The following DAOA variants were observed in gnomAD, a reference collection of about 807,000 sequenced individuals.
The protein encoded by DAOA is D-amino acid oxidase activator, also known as D-amino acid oxidase regulator.
A neutral mutation model predicts 16.4 loss-of-function variants in DAOA; 15 were observed. The ratio of observed to expected loss-of-function variants is 0.91; its 90% CI spans 0.61 to 1.41. The LOEUF (loss-of-function observed/expected upper bound fraction) is 1.41, where lower values mean the gene tolerates loss of function less well. Among genes scored for constraint, DAOA ranks in the 40% most tolerant of loss-of-function variants. The probability of loss-of-function intolerance (pLI) is 0.00; values close to 1 mark genes in which losing one functional copy is unlikely to be tolerated. For missense variants in DAOA, 230 were observed against 176.8 expected, an observed-to-expected ratio of 1.30 and a Z score of -1.71; for synonymous variants, 75 against 59.1, an observed-to-expected ratio of 1.27 and a Z score of -1.23.
chr13:105,470,151 A>G (rs1333538499), intron 3 of DAOA, among the ~76,000 whole-genome samples: 1 of 146,870 alleles, frequency 6.8e-6, no homozygotes, highest in African/African-American at 2.5e-5. Context: ...GACTAGAGTT[A>G]TATTCTTGTT....
At chr13:105,482,496 C>G (rs1341552562) in intron 4 of DAOA, among the ~76,000 whole-genome samples, 1 of 149,710 alleles carries the variant, frequency 6.7e-6, no homozygotes, top group South Asian at 2.1e-4. Context: ...CTGCTTTGAC[C>G]TTGGTGTAAG....
At chr13:105,488,656 A>C (rs1395246936) in intron 4 of DAOA, among the ~76,000 whole-genome samples, 1 of 152,210 alleles carries the variant, frequency 6.6e-6, no homozygotes, top group Non-Finnish European at 1.5e-5. Context: ...TGTGACAATG[A>C]TTCAAGAAGC....
rs1218859037 is a variant in DAOA at position 105,474,621 on chromosome 13, G to A, written c.281+1936G>A. On this transcript the variant is annotated intron_variant, in intron 4 of 5. Transcript: ENST00000375936. ...GATTGACTGACTAAAGCCAGCAAAT[G>A]TGCATCTAAAACAAAATCTGACATG... Among the ~76,000 whole-genome samples the A allele has an allele frequency of 2.6e-5, 4 of 152,110 alleles. No homozygotes were observed. In the South Asian group the frequency reaches 8.3e-4, roughly 32 times the overall value.
chr13:105,470,853 C>G (rs958943283), intron 3 of DAOA, among the ~76,000 whole-genome samples: 1 of 151,964 alleles, frequency 6.6e-6, no homozygotes, highest in South Asian at 2.1e-4. Context: ...TGCAGTGACA[C>G]GATCTCAGCT....
chr13:105,466,655 T>C, intron 2 of DAOA, among the ~76,000 whole-genome samples: 1 of 152,166 alleles, frequency 6.6e-6, no homozygotes, highest in East Asian at 1.9e-4. Context: ...TCCCCCTCAC[T>C]CCATCTGCCT....
chr13:105,468,580 A>T (rs1192185381), intron 3 of DAOA, among the ~76,000 whole-genome samples: 3 of 152,246 alleles, frequency 2.0e-5, no homozygotes, highest in Non-Finnish European at 4.4e-5. Flanking sequence ...AAAAATTACA[A>T]ATGTTAGCTG....
chr13:105,486,535 C>T (rs536620779), intron 4 of DAOA, among the ~76,000 whole-genome samples: 16 of 152,048 alleles, frequency 1.1e-4, no homozygotes, highest in South Asian at 6.2e-4. Flanking sequence ...ATGAATAAGA[C>T]GTAGTACAAA....
Position 105,490,121 on chromosome 13 carries a change from C to A in DAOA, c.*40C>A. 6.5e-7 allele frequency: 1 copy of A among 1,527,578 alleles called. No homozygotes were observed. The highest frequency in any genetic ancestry group is 8.8e-7 in the Non-Finnish European group (1 of 1,133,118). 94.6% of individuals were successfully genotyped at this position (1,527,578 alleles called of 1,614,324 possible). On this transcript the variant is annotated 3_prime_UTR_variant, in exon 5 of 6. Coordinates refer to ENST00000375936, the MANE Select transcript of DAOA (RefSeq NM_172370.5). ...TCTTCCCAGCCAATCCTTCTGATGA[C>A]AATGTAGTCTGGCCAACATCTTCAC...
chr13:105,479,082 A>G (rs929132875), intron 4 of DAOA, among the ~76,000 whole-genome samples: 9 of 152,180 alleles, frequency 5.9e-5, no homozygotes, highest in Admixed American at 5.9e-4. Context: ...AGGACCATTT[A>G]TCTTTATCTC....
At chr13:105,476,484 C>T (rs1381849137) in intron 4 of DAOA, among the ~76,000 whole-genome samples, 2 of 122,802 alleles carry the variant, frequency 1.6e-5, no homozygotes, top group Non-Finnish European at 3.4e-5. Context: ...TTCACTTGTA[C>T]CAAAAAACAT....
intron 1 of DAOA, 55 bp from the exon 2 acceptor site, chr13:105,466,161 A>G: frequency 6.9e-7 from 1 of 1,449,878 alleles, no homozygotes; most frequent in Non-Finnish European, 9.3e-7. Context: ...TACACCCCAA[A>G]TTAGTGGCTT....
At chr13:105,468,257 G>A (rs1315971171) in intron 3 of DAOA, among the ~76,000 whole-genome samples, 2 of 152,164 alleles carry the variant, frequency 1.3e-5, no homozygotes, top group African/African-American at 4.8e-5. Flanking sequence ...TGTTACACAA[G>A]ATTCCACAGG....
intron 4 of DAOA, among the ~76,000 whole-genome samples, chr13:105,484,093 C>T (rs1594117300): frequency 6.6e-6 from 1 of 152,060 alleles, no homozygotes; most frequent in African/African-American, 2.4e-5. Context: ...TAATGAATAC[C>T]CAGATGTTCC....
intron 5 of DAOA, 50 bp downstream of exon 5, chr13:105,490,242 A>C: frequency 1.1e-6 from 1 of 883,500 alleles, no homozygotes; most frequent in Non-Finnish European, 1.4e-6. Context: ...TATGAAATAT[A>C]ATTTTTATGA....
intron 4 of DAOA, among the ~76,000 whole-genome samples, chr13:105,480,444 G>A (rs1877636616): frequency 6.6e-6 from 1 of 151,896 alleles, no homozygotes; most frequent in African/African-American, 2.4e-5. Context: ...GCTGGCATCT[G>A]TATTAGGGTT....
intron 4 of DAOA, among the ~76,000 whole-genome samples, chr13:105,488,662 G>A (rs1310232348): frequency 2.0e-5 from 3 of 152,074 alleles, no homozygotes; most frequent in Admixed American, 2.0e-4. Flanking sequence ...AATGATTCAA[G>A]AAGCACAATA....
intron 4 of DAOA, among the ~76,000 whole-genome samples, chr13:105,481,466 C>A (rs900889899): frequency 1.3e-5 from 2 of 152,120 alleles, no homozygotes; most frequent in Admixed American, 1.3e-4. Flanking sequence ...TCTGAAGTGG[C>A]TATTTCATAT....
chr13:105,466,280 G>A lies in DAOA; in HGVS notation c.-9G>A, dbSNP rs781505486. The A allele has an allele frequency of 1.7e-5, 27 of 1,613,990 alleles. No homozygotes were observed. The Admixed American group carries it at 3.5e-4, about 21-fold the overall frequency. ...CACAATGCCGATGATTTAGCTGGGA[G>A]GACCCAAAATGCTGGAAAAGCTGAT... is the stretch of plus-strand genomic sequence containing the variant. On this transcript the variant is annotated 5_prime_UTR_variant, in exon 2 of 6. Coordinates refer to ENST00000375936, the MANE Select transcript of DAOA (RefSeq NM_172370.5).
chr13:105,479,898 A>C (rs185726879), intron 4 of DAOA, among the ~76,000 whole-genome samples: 292 of 152,292 alleles, frequency 1.9e-3, no homozygotes, highest in African/African-American at 5.7e-3. Context: ...TCTGCCATTT[A>C]AAAAAATTAT....
Sources: allele counts gnomAD v4.1 joint callset (sites outside exome capture counted in the v4.1 genomes callset), GRCh38; gene constraint gnomAD v4.1.1; transcripts MANE v1.5; gene names NCBI Gene and HGNC (gene_info 2026-07-23, HGNC 2026-07-21).